Variants in MAP4 observed in about 807,000 individuals in gnomAD.
MAP4 encodes the protein microtubule-associated protein 4.
In MAP4, 76 loss-of-function variants were observed where a neutral mutation model predicts 170.2. That is an observed-to-expected ratio of 0.45 (90% confidence interval 0.37 to 0.54). The LOEUF is 0.54. Among genes scored for constraint, MAP4 ranks in the 20% least tolerant of loss-of-function variants. MAP4 has a pLI of 0.00. For synonymous variants in MAP4, 909 were observed against 994.5 expected, an observed-to-expected ratio of 0.91 and a Z score of 1.62; for missense variants, 2,506 against 2,748.0, an observed-to-expected ratio of 0.91 and a Z score of 1.97.
intron 17 of MAP4, among the ~76,000 whole-genome samples, chr3:47,864,862 T>G (rs992896805): frequency 2.0e-5 from 3 of 152,132 alleles, no homozygotes; most frequent in African/African-American, 7.2e-5. Flanking sequence ...GCAAGACTTT[T>G]TTTTGTAGAG....
intron 1 of MAP4, among the ~76,000 whole-genome samples, chr3:48,049,225 T>C (rs923722462): frequency 1.3e-5 from 2 of 152,266 alleles, no homozygotes; most frequent in Non-Finnish European, 2.9e-5. Context: ...AAGTCTGCTA[T>C]GAACAGTTAC....
chr3:48,057,019 C>T (rs1321790684), intron 1 of MAP4, among the ~76,000 whole-genome samples: 12 of 137,810 alleles, frequency 8.7e-5, no homozygotes, highest in African/African-American at 2.2e-4. Context: ...CCAGCCGCCC[C>T]GTCCGGGAGG....
intron 10 of MAP4, among the ~76,000 whole-genome samples, chr3:47,883,903 CTT>C (rs1447898896): frequency 6.6e-6 from 1 of 151,966 alleles, no homozygotes; most frequent in African/African-American, 2.4e-5. Context: ...CATCATATCT[CTT>C]TGCTTTTTTT....
intron 4 of MAP4, among the ~76,000 whole-genome samples, chr3:47,925,538 A>AT (rs1326962122): frequency 6.6e-6 from 1 of 152,218 alleles, no homozygotes; most frequent in Non-Finnish European, 1.5e-5. Flanking sequence ...ATAATGGAGT[A>AT]TTACGTGTCC....
rs572972778 is a variant in MAP4 at position 48,041,390 on chromosome 3, G to C, written c.-19-42511C>G. On this transcript the variant is annotated intron_variant, in intron 1 of 18. Transcript: ENST00000360240. The stretch of plus-strand genomic sequence containing the variant: ...GCCTCCCAAAGTGCTGAGATAACAG[G>C]CATAAGCCACCGTGCCCGGCTGAAG... Among the ~76,000 whole-genome samples, 202 of 152,114 alleles carry C rather than the reference G, an allele frequency of 1.3e-3. 2 individuals carry two copies. Among genetic ancestry groups the C allele is most frequent in the African/African-American group, 4.6e-3 (190 of 41,474 alleles).
intron 1 of MAP4, among the ~76,000 whole-genome samples, chr3:48,062,214 T>G (rs1202042492): frequency 6.6e-6 from 1 of 152,046 alleles, no homozygotes; most frequent in Non-Finnish European, 1.5e-5. Context: ...CCCGGTGCTC[T>G]CTGAAACATG....
chr3:47,997,400 A>C (rs1287346889), intron 2 of MAP4, among the ~76,000 whole-genome samples: 1 of 151,204 alleles, frequency 6.6e-6, no homozygotes, highest in Non-Finnish European at 1.5e-5. Context: ...ATATTTTTAA[A>C]TATTTTTAAA....
chr3:48,034,189 T>C (rs1238123278), intron 1 of MAP4, among the ~76,000 whole-genome samples: 1 of 152,198 alleles, frequency 6.6e-6, no homozygotes, highest in Non-Finnish European at 1.5e-5. Context: ...GTGGTTAGCC[T>C]ATCTGGCATG....
intron 3 of MAP4, among the ~76,000 whole-genome samples, chr3:47,952,389 C>T (rs2100064890): frequency 6.6e-6 from 1 of 152,186 alleles, no homozygotes. Flanking sequence ...GGGAGGTGTA[C>T]CCAACAGCTC....
intron 3 of MAP4, 49 bp from the exon 4 acceptor site, chr3:47,928,399 C>T (rs768129933): frequency 8.6e-5 from 136 of 1,584,792 alleles, no homozygotes; most frequent in Non-Finnish European, 1.1e-4. Context: ...ACAGTTTTCT[C>T]CTCCACTACA....
intron 9 of MAP4, among the ~76,000 whole-genome samples, chr3:47,906,796 A>G (rs574214439): frequency 8.3e-6 from 1 of 120,480 alleles, no homozygotes; most frequent in Non-Finnish European, 1.5e-5. Flanking sequence ...AAAAAAGATT[A>G]AAAAAAAAAA....
intron 2 of MAP4, among the ~76,000 whole-genome samples, chr3:47,993,916 G>A (rs1398161976): frequency 6.6e-6 from 1 of 152,104 alleles, no homozygotes. Context: ...CTTCATCAGA[G>A]AGTCCTTCTC....
Position 47,851,337 on chromosome 3 carries a change from C to G in MAP4, c.*1597G>C, listed in dbSNP as rs892651893. ...CTGCTACCTCAGAAAGGGGGAGGACCTGTCAGGCCCAGGACAGCCTCCCTG... is the reference window on the plus strand; with the variant it reads ...CTGCTACCTCAGAAAGGGGGAGGACGTGTCAGGCCCAGGACAGCCTCCCTG... On this transcript the variant is annotated 3_prime_UTR_variant, in exon 21 of 21. Coordinates refer to ENST00000683076, the MANE Select transcript of MAP4 (RefSeq NM_001385682.1). 2 of 152,274 alleles carry G rather than the reference C, an allele frequency of 1.3e-5. No homozygotes were observed. Among genetic ancestry groups the G allele is most frequent in the Non-Finnish European group, 2.9e-5 (2 of 68,076 alleles). The allele number at this position is 152,274 out of a possible 1,614,324, so 9.4% of individuals were successfully genotyped here. A position where few individuals can be genotyped will look rare whatever the true frequency, so the allele number is the denominator to read the frequency against.
intron 1 of MAP4, among the ~76,000 whole-genome samples, chr3:48,084,619 C>T (rs575815336): frequency 6.6e-6 from 1 of 150,386 alleles, no homozygotes; most frequent in Non-Finnish European, 1.5e-5. Context: ...GCTCTTTCAG[C>T]AAGGCTGAAG....
rs116296010 is a variant in MAP4 at position 47,959,319 on chromosome 3, G to A, written c.292+18546C>T. On this transcript the variant is annotated intron_variant, in intron 3 of 20. Transcript: ENST00000683076. ...CTAAAAATATAAAAATCAGCCGAGC[G>A]TGGTAGCACACACCTGTGGTCCCAG... Among the ~76,000 whole-genome samples, 609 of 152,142 alleles carry A rather than the reference G, an allele frequency of 4.0e-3. 6 individuals carry two copies. Among genetic ancestry groups the A allele is most frequent in the African/African-American group, 0.014 (589 of 41,506 alleles).
chr3:48,081,129 A>T (rs2100146462), intron 1 of MAP4, among the ~76,000 whole-genome samples: 1 of 151,932 alleles, frequency 6.6e-6, no homozygotes, highest in Non-Finnish European at 1.5e-5. Context: ...ATCTCAAAAA[A>T]CAGAAAAAAC....
chr3:47,996,066 C>T (rs1006849610), intron 2 of MAP4, among the ~76,000 whole-genome samples: 1 of 152,188 alleles, frequency 6.6e-6, no homozygotes, highest in African/African-American at 2.4e-5. Flanking sequence ...AGGGACCAGA[C>T]AGAGCCTCCC....
At chr3:48,076,533 G>A (rs2100144003) in intron 1 of MAP4, among the ~76,000 whole-genome samples, 1 of 149,882 alleles carries the variant, frequency 6.7e-6, no homozygotes, top group Non-Finnish European at 1.5e-5. Flanking sequence ...ACCAAAATTA[G>A]CCAAGCATCA....
At chr3:47,973,936 A>G (rs1044938705) in intron 3 of MAP4, 4 of 985,388 alleles carry the variant, frequency 4.1e-6, no homozygotes, top group Non-Finnish European at 4.8e-6. Context: ...CCTTTAAAAC[A>G]TATCACCCTC....
Sources: allele counts gnomAD v4.1 joint callset (sites outside exome capture counted in the v4.1 genomes callset), GRCh38; gene constraint gnomAD v4.1.1; transcripts MANE v1.5; gene names NCBI Gene and HGNC (gene_info 2026-07-23, HGNC 2026-07-21).